CSMD1: variants seen among roughly 807,000 people sequenced by gnomAD.
CSMD1 encodes the protein CUB and sushi domain-containing protein 1.
In CSMD1, 213 loss-of-function variants were observed where a neutral mutation model predicts 417.5. The ratio of observed to expected loss-of-function variants is 0.51; its 90% confidence interval spans 0.46 to 0.57. The LOEUF is 0.57. Among genes scored for constraint, CSMD1 ranks in the 20% least tolerant of loss-of-function variants. The probability of loss-of-function intolerance (pLI) is 0.00; values close to 1 mark genes in which losing one functional copy is unlikely to be tolerated. For missense variants in CSMD1, 6,923 were observed against 4,529.7 expected (o/e 1.53, Z -15.17); for synonymous variants, 2,862 against 1,736.8 (o/e 1.65, Z -16.11).
At chr8:4,423,429 C>A (rs1028937124) in intron 2 of CSMD1, among the ~76,000 whole-genome samples, 1 of 151,982 alleles carries the variant, frequency 6.6e-6, no homozygotes, top group East Asian at 1.9e-4. Flanking sequence ...AACACGTTGA[C>A]ATCAAAATCT....
intron 37 of CSMD1, among the ~76,000 whole-genome samples, chr8:3,163,778 G>A (rs1368111754): frequency 6.6e-6 from 1 of 152,164 alleles, no homozygotes; most frequent in Non-Finnish European, 1.5e-5. Context: ...GAAACCCTGG[G>A]TCATCCCTGC....
rs58937931 is a variant in CSMD1 at position 4,915,375 on chromosome 8, C to A, written c.85+78957G>T. On this transcript the variant is annotated intron_variant, in intron 1 of 69. Coordinates refer to ENST00000635120, the MANE Select transcript of CSMD1 (RefSeq NM_033225.6). ...AGTAGATTACATATAGTCTGACAAT[C>A]GTAGATTCTGATCCGTATTTTAGAT... Among the ~76,000 whole-genome samples, 513 of 152,300 alleles carry A rather than the reference C, an allele frequency of 3.4e-3. 5 individuals are homozygous for A. Among genetic ancestry groups the A allele is most frequent in the African/African-American group, 0.012 (503 of 41,552 alleles).
intron 7 of CSMD1, among the ~76,000 whole-genome samples, chr8:3,644,318 A>G (rs547782302): frequency 1.3e-4 from 20 of 152,352 alleles, no homozygotes; most frequent in African/African-American, 4.3e-4. Flanking sequence ...TGCTGAAAGC[A>G]TAGGTCTTAG....
intron 1 of CSMD1, among the ~76,000 whole-genome samples, chr8:4,958,839 T>C (rs988272137): frequency 1.3e-5 from 2 of 152,154 alleles, no homozygotes; most frequent in African/African-American, 2.4e-5. Context: ...GTCTAAAAAA[T>C]GCATGTCCTT....
chr8:4,077,366 G>T lies in CSMD1; in HGVS notation c.416-45267C>A, dbSNP rs539227995. On this transcript the variant is annotated intron_variant, in intron 3 of 69. Transcript: ENST00000635120. ...ATATAATTTATATTTTTTATCAGAG[G>T]TATCTTTTAATGGTTCCTCAGTCTT... Among the ~76,000 whole-genome samples, 309 of 139,572 alleles carry T rather than the reference G, an allele frequency of 2.2e-3. 3 individuals are homozygous for T. Among genetic ancestry groups the T allele is most frequent in the African/African-American group, 8.2e-3 (294 of 36,072 alleles). 91.6% of individuals were successfully genotyped at this position (139,572 alleles called of 152,430 possible).
chr8:4,986,278 T>C (rs1004504345), intron 1 of CSMD1, among the ~76,000 whole-genome samples: 8 of 152,104 alleles, frequency 5.3e-5, no homozygotes, highest in Non-Finnish European at 1.0e-4. Flanking sequence ...ATCAAGGAGG[T>C]GTAATTTTAT....
chr8:3,932,167 T>A lies in CSMD1; in HGVS notation c.818+65736A>T, dbSNP rs939810710. On this transcript the variant is annotated intron_variant, in intron 5 of 69. Transcript: ENST00000635120. ...GGACAGTGCTGGAATGAAACTCAGA[T>A]ATTCCTAACTGTAGACACTGTTTCA... Among the ~76,000 whole-genome samples, 5 of 150,366 alleles carry A rather than the reference T, an allele frequency of 3.3e-5. No homozygotes were observed. The East Asian group carries it at 9.8e-4, about 29-fold the overall frequency.
At chr8:4,112,676 C>A (rs1252155172) in intron 3 of CSMD1, among the ~76,000 whole-genome samples, 2 of 152,168 alleles carry the variant, frequency 1.3e-5, no homozygotes, top group Non-Finnish European at 2.9e-5. Context: ...CCCAGACAAG[C>A]CCCTATATTT....
In CSMD1 at chr8:4,624,950, A is replaced by G. The variant is rs561090329; in HGVS notation, c.302+12392T>C. ...CTCCTGGTAGAGAACAGCAGTTTTC[A>G]TAACATAACTCTTTGAATGGATGAG... On this transcript the variant is annotated intron_variant, in intron 2 of 69. Transcript: ENST00000635120. 3.4e-4 allele frequency among the ~76,000 whole-genome samples: 52 copies of G among 152,278 alleles called. 1 individual carries two copies. Among genetic ancestry groups the G allele is most frequent in the African/African-American group, 1.2e-3 (48 of 41,552 alleles).
intron 3 of CSMD1, among the ~76,000 whole-genome samples, chr8:4,360,465 C>A (rs1801687889): frequency 1.3e-5 from 2 of 152,118 alleles, no homozygotes; most frequent in South Asian, 2.1e-4. Flanking sequence ...TTATCATAAC[C>A]TCTTTTTTCT....
chr8:3,179,532 T>C (rs1158133986), intron 37 of CSMD1, among the ~76,000 whole-genome samples: 1 of 152,184 alleles, frequency 6.6e-6, no homozygotes, highest in African/African-American at 2.4e-5. Context: ...TAGATAATTA[T>C]ATTGATGGGG....
intron 3 of CSMD1, among the ~76,000 whole-genome samples, chr8:4,379,676 G>GGGGAAGAGGGCAATGAAGCAACAATGGC (rs71205451): frequency 1.3e-5 from 2 of 151,638 alleles, no homozygotes; most frequent in African/African-American, 4.8e-5. Context: ...AGTTCTTACA[G>GGGGAAGAGGGCAATGAAGCAACAATGGC]GGGAAGAGGG....
At chr8:4,601,346 C>G (rs1387160205) in intron 2 of CSMD1, among the ~76,000 whole-genome samples, 2 of 152,150 alleles carry the variant, frequency 1.3e-5, no homozygotes, top group Non-Finnish European at 2.9e-5. Flanking sequence ...AGAGGTGGAG[C>G]TGTACCAGGG....
chr8:4,019,026 T>C (rs1796657173), intron 4 of CSMD1, among the ~76,000 whole-genome samples: 1 of 152,258 alleles, frequency 6.6e-6, no homozygotes, highest in Non-Finnish European at 1.5e-5. Context: ...TTACAGTGAC[T>C]AAGATGAAAT....
chr8:3,440,532 C>CT (rs1814907919), intron 12 of CSMD1, among the ~76,000 whole-genome samples: 1 of 152,144 alleles, frequency 6.6e-6, no homozygotes, highest in Non-Finnish European at 1.5e-5. Context: ...GTTCTTGGCT[C>CT]TAAGAGTTTA....
chr8:4,784,802 C>T (rs1035358743), intron 1 of CSMD1, among the ~76,000 whole-genome samples: 2 of 152,282 alleles, frequency 1.3e-5, no homozygotes, highest in South Asian at 4.1e-4. Flanking sequence ...AAAGAAGAAT[C>T]TCAGCAAAGC....
chr8:4,300,866 A>G (rs1797946874), intron 3 of CSMD1, among the ~76,000 whole-genome samples: 1 of 152,136 alleles, frequency 6.6e-6, no homozygotes, highest in African/African-American at 2.4e-5. Context: ...ACATGAACTC[A>G]TCATTTTTTA....
At chr8:3,065,683 G>T (rs1452720348) in intron 49 of CSMD1, among the ~76,000 whole-genome samples, 1 of 152,160 alleles carries the variant, frequency 6.6e-6, no homozygotes, top group Non-Finnish European at 1.5e-5. Flanking sequence ...AGGTTGATTG[G>T]CAGGAAGACA....
chr8:4,029,019 G>T (rs1300041831), intron 4 of CSMD1, among the ~76,000 whole-genome samples: 1 of 152,192 alleles, frequency 6.6e-6, no homozygotes, highest in Non-Finnish European at 1.5e-5. Flanking sequence ...CGGCACTTGG[G>T]AGAGGGCACT....
Sources: gnomAD v4.1 joint callset for allele counts (sites outside exome capture counted in the v4.1 genomes callset) on GRCh38, gnomAD v4.1.1 for gene constraint, MANE v1.5 for transcripts, NCBI Gene and HGNC (gene_info 2026-07-23, HGNC 2026-07-21) for gene names.